FSTL5: variants seen among roughly 807,000 people sequenced by gnomAD.
FSTL5 encodes the protein follistatin like 5, also known as follistatin-related protein 5.
FSTL5 carries 62 observed loss-of-function variants against 89.1 expected under a neutral mutation model. That is an observed-to-expected ratio of 0.70 (90% CI 0.57 to 0.86). The LOEUF is 0.86. FSTL5 is among the 40% of genes least tolerant of loss of function. The pLI is 0.00. For missense variants in FSTL5, 1,057 were observed against 1,001.6 expected (o/e 1.06, Z -0.75); for synonymous variants, 383 against 346.2 (o/e 1.11, Z -1.18).
chr4:162,132,769 A>T (rs2111461449), intron 1 of FSTL5, among the ~76,000 whole-genome samples: 1 of 152,312 alleles, frequency 6.6e-6, no homozygotes, highest in East Asian at 1.9e-4. Context: ...TCTGCTCTCC[A>T]GGTGAAGCTA....
intron 6 of FSTL5, among the ~76,000 whole-genome samples, chr4:161,665,476 C>A (rs201694519): frequency 6.6e-6 from 1 of 152,136 alleles, no homozygotes; most frequent in East Asian, 1.9e-4. Flanking sequence ...CTCGTGATCT[C>A]CCCGCCTCGG....
At chr4:162,140,899 T>C (rs1732705162) in intron 1 of FSTL5, among the ~76,000 whole-genome samples, 1 of 152,066 alleles carries the variant, frequency 6.6e-6, no homozygotes, top group African/African-American at 2.4e-5. Flanking sequence ...TATATAGTTT[T>C]GATATTTGTC....
intron 6 of FSTL5, among the ~76,000 whole-genome samples, chr4:161,745,788 T>C (rs538113519): frequency 1.2e-4 from 19 of 152,226 alleles, no homozygotes; most frequent in Non-Finnish European, 2.1e-4. Flanking sequence ...CCTATGTCAT[T>C]TTCAGAATGC....
At position 161,577,473 on chromosome 4, in the gene FSTL5, C is replaced by CAAAAAAAAAAAAAAAAAAAAAAAA. The variant is rs544029134; in HGVS notation, c.1015+9981_1015+9982insTTTTTTTTTTTTTTTTTTTTTTTT. ...CCCTGAAAGAAGAGAAGAAAAAAGA[C>CAAAAAAAAAAAAAAAAAAAAAAAA]AAAAAAAAAAAAAAAAAAGGAAACA... is the stretch of plus-strand genomic sequence containing the variant. On this transcript the variant is annotated intron_variant, in intron 8 of 15. Transcript: ENST00000306100. Among the ~76,000 whole-genome samples, 7 of 110,208 alleles carry CAAAAAAAAAAAAAAAAAAAAAAAA rather than the reference C, an allele frequency of 6.4e-5. 1 individual carries two copies. The highest frequency in any genetic ancestry group is 1.4e-4 in the African/African-American group (4 of 28,968). The allele number at this position is 110,208 out of a possible 152,430, so 72.3% of individuals were successfully genotyped here.
chr4:161,492,174 C>T (rs1033887005), intron 12 of FSTL5, among the ~76,000 whole-genome samples: 2 of 152,070 alleles, frequency 1.3e-5, no homozygotes, highest in African/African-American at 4.8e-5. Context: ...TCTACAAGGG[C>T]AACCATTACA....
intron 4 of FSTL5, among the ~76,000 whole-genome samples, chr4:161,852,412 T>A (rs1731582290): frequency 6.6e-6 from 1 of 152,168 alleles, no homozygotes; most frequent in Non-Finnish European, 1.5e-5. Context: ...CACATTGAGA[T>A]ACCATCTCAC....
intron 4 of FSTL5, among the ~76,000 whole-genome samples, chr4:161,791,980 C>T (rs749071131): frequency 6.6e-6 from 1 of 152,146 alleles, no homozygotes; most frequent in Non-Finnish European, 1.5e-5. Context: ...CCAAGATGGC[C>T]GGTTGGATGC....
chr4:161,763,736 T>G (rs959973616), intron 5 of FSTL5, among the ~76,000 whole-genome samples: 3 of 152,208 alleles, frequency 2.0e-5, no homozygotes, highest in Non-Finnish European at 4.4e-5. Context: ...TGAAGTCATA[T>G]GCTCAGTGCC....
chr4:162,000,190 C>A (rs1005221943), intron 3 of FSTL5, among the ~76,000 whole-genome samples: 2 of 152,162 alleles, frequency 1.3e-5, no homozygotes, highest in Admixed American at 1.3e-4. Context: ...ATAGTCTATG[C>A]TCTAAAATTG....
intron 3 of FSTL5, among the ~76,000 whole-genome samples, chr4:161,988,850 C>A (rs1206936066): frequency 6.6e-6 from 1 of 152,240 alleles, no homozygotes; most frequent in South Asian, 2.1e-4. Context: ...CAGATAATTT[C>A]TTGTGAATGC....
intron 6 of FSTL5, among the ~76,000 whole-genome samples, chr4:161,713,135 GCT>G (rs1738856672): frequency 6.6e-6 from 1 of 152,182 alleles, no homozygotes; most frequent in South Asian, 2.1e-4. Context: ...GTAAGTCCGA[GCT>G]CTTCCTAAAC....
At chr4:161,397,641 A>C (rs1449081685) in intron 15 of FSTL5, among the ~76,000 whole-genome samples, 1 of 117,392 alleles carries the variant, frequency 8.5e-6, no homozygotes, top group African/African-American at 2.9e-5. Context: ...AACAAAAAAC[A>C]TACATATTGA....
At chr4:161,450,895 C>G (rs1160745968) in intron 15 of FSTL5, among the ~76,000 whole-genome samples, 3 of 151,918 alleles carry the variant, frequency 2.0e-5, no homozygotes, top group African/African-American at 4.8e-5. Flanking sequence ...AGGCGCCCAC[C>G]ACCACGCCTG....
intron 2 of FSTL5, among the ~76,000 whole-genome samples, chr4:162,054,761 T>A (rs916262170): frequency 2.0e-5 from 3 of 151,802 alleles, no homozygotes; most frequent in African/African-American, 7.3e-5. Flanking sequence ...CAAAGGAGTA[T>A]CTTTTTCAAG....
intron 15 of FSTL5, among the ~76,000 whole-genome samples, chr4:161,428,245 G>A (rs748496946): frequency 1.3e-5 from 2 of 152,142 alleles, no homozygotes; most frequent in African/African-American, 2.4e-5. Context: ...TCACCCCCAC[G>A]GGCTAAAGGG....
At chr4:161,536,335 C>T (rs1731614830) in intron 10 of FSTL5, among the ~76,000 whole-genome samples, 1 of 152,034 alleles carries the variant, frequency 6.6e-6, no homozygotes, top group South Asian at 2.1e-4. Context: ...AGTCTCTTTC[C>T]ATGAAATTAC....
intron 15 of FSTL5, among the ~76,000 whole-genome samples, chr4:161,430,075 G>C (rs923130956): frequency 6.6e-6 from 1 of 151,958 alleles, no homozygotes; most frequent in African/African-American, 2.4e-5. Flanking sequence ...AAGGAATTCT[G>C]AAGCTTAAAA....
intron 6 of FSTL5, among the ~76,000 whole-genome samples, chr4:161,672,985 T>C (rs1020623918): frequency 3.9e-5 from 6 of 151,996 alleles, no homozygotes; most frequent in African/African-American, 1.4e-4. Context: ...TGCAGTACAG[T>C]ACAATTGGAA....
At chr4:161,998,915 T>A (rs1736382530) in intron 3 of FSTL5, among the ~76,000 whole-genome samples, 1 of 151,750 alleles carries the variant, frequency 6.6e-6, no homozygotes, top group Admixed American at 6.6e-5. Context: ...GAATTTGGTA[T>A]CTTATTTCTA....
Sources: allele counts gnomAD v4.1 joint callset (sites outside exome capture counted in the v4.1 genomes callset), GRCh38; gene constraint gnomAD v4.1.1; transcripts MANE v1.5; gene names NCBI Gene and HGNC (gene_info 2026-07-23, HGNC 2026-07-21).